DPY19L4: variants seen among roughly 807,000 people sequenced by gnomAD.
DPY19L4 encodes probable C-mannosyltransferase DPY19L4.
A neutral mutation model predicts 102.8 loss-of-function variants in DPY19L4; 97 were observed. The ratio of observed to expected loss-of-function variants is 0.94; its 90% CI spans 0.80 to 1.12. The LOEUF (loss-of-function observed/expected upper bound fraction) is 1.12. Ranked by LOEUF, DPY19L4 falls within the 50% of genes most tolerant of loss-of-function variation. The pLI, the probability that DPY19L4 is intolerant of heterozygous loss-of-function variation, is 0.00. For missense variants in DPY19L4, 815 were observed against 850.4 expected (o/e 0.96, Z 0.52); for synonymous variants, 252 against 283.1 (o/e 0.89, Z 1.10).
chr8:94,773,213 C>CAAAAAA (rs1319486647), intron 13 of DPY19L4, among the ~76,000 whole-genome samples: 1 of 67,556 alleles, frequency 1.5e-5, no homozygotes. Context: ...GACTCCGTAT[C>CAAAAAA]AAAAAAAAAA....
Position 94,789,935 on chromosome 8 carries a change from AG to A in DPY19L4, c.*26del. 1.9e-6 allele frequency: 3 copies of A among 1,578,700 alleles called. No individual in the cohort carries two copies. The highest frequency in any genetic ancestry group is 1.7e-6 in the Non-Finnish European group (2 of 1,169,336). ...AAAAATAACAGAGCCTTCATTTCAAAGACTACCTGAAGTAAAATGCAGTTTT... is the reference window on the plus strand; with the variant it reads ...AAAAATAACAGAGCCTTCATTTCAAAACTACCTGAAGTAAAATGCAGTTTT... On this transcript the variant is annotated 3_prime_UTR_variant, in exon 19 of 19. Transcript: ENST00000414645.
At chr8:94,742,928 C>T (rs1388552115) in intron 6 of DPY19L4, among the ~76,000 whole-genome samples, 1 of 152,124 alleles carries the variant, frequency 6.6e-6, no homozygotes, top group Admixed American at 6.5e-5. Context: ...TGGTCTCAAA[C>T]TCCTGACCTC....
At chr8:94,727,158 C>A (rs1388732037) in intron 2 of DPY19L4, among the ~76,000 whole-genome samples, 1 of 152,088 alleles carries the variant, frequency 6.6e-6, no homozygotes, top group East Asian at 1.9e-4. Flanking sequence ...CAGAACACCC[C>A]CATGTTTGGT....
chr8:94,738,555 C>A (rs1811296283), intron 4 of DPY19L4, 96 bp downstream of exon 4: 2 of 557,020 alleles, frequency 3.6e-6, no homozygotes, highest in Non-Finnish European at 5.4e-6. Context: ...TGCTCTGTCA[C>A]CCAGGCTGGA....
At chr8:94,755,518 G>A (rs1812121511) in intron 6 of DPY19L4, among the ~76,000 whole-genome samples, 1 of 152,180 alleles carries the variant, frequency 6.6e-6, no homozygotes, top group Non-Finnish European at 1.5e-5. Flanking sequence ...ACCAAGTAGT[G>A]CACAGTAGCT....
At chr8:94,754,688 T>C (rs1276663692) in intron 6 of DPY19L4, among the ~76,000 whole-genome samples, 1 of 152,214 alleles carries the variant, frequency 6.6e-6, no homozygotes, top group African/African-American at 2.4e-5. Context: ...GCTGGATAGG[T>C]AGTCCCCTTG....
At chr8:94,786,161 G>A (rs1332743825) in intron 17 of DPY19L4, among the ~76,000 whole-genome samples, 1 of 152,014 alleles carries the variant, frequency 6.6e-6, no homozygotes, top group Non-Finnish European at 1.5e-5. Flanking sequence ...TTGTTGACGA[G>A]TCTCGCTCAG....
intron 15 of DPY19L4, among the ~76,000 whole-genome samples, chr8:94,780,690 T>C (rs563570275): frequency 1.0e-3 from 153 of 152,280 alleles, no homozygotes; most frequent in African/African-American, 3.5e-3. Context: ...TAGGAATTAA[T>C]ATTAAAACAC....
intron 6 of DPY19L4, among the ~76,000 whole-genome samples, chr8:94,752,870 T>G (rs1443950888): frequency 2.6e-5 from 4 of 151,848 alleles, no homozygotes; most frequent in Admixed American, 2.6e-4. Flanking sequence ...TTTCACCATG[T>G]TAGCCAGGAT....
intron 2 of DPY19L4, among the ~76,000 whole-genome samples, chr8:94,729,597 C>CAAAA (rs770975687): frequency 0.13 from 4,051 of 31,018 alleles, 900 homozygotes; most frequent in African/African-American, 0.22. Context: ...GATTCCATCT[C>CAAAA]AAAAAAAAAA....
intron 2 of DPY19L4, among the ~76,000 whole-genome samples, chr8:94,733,414 C>T (rs1346425369): frequency 1.3e-5 from 2 of 152,070 alleles, no homozygotes; most frequent in East Asian, 1.9e-4. Context: ...TGTGAGCCAC[C>T]GTGCCAGGCC....
In DPY19L4 at chr8:94,761,767, A is replaced by T. The variant is rs778526215; in HGVS notation, c.803A>T (p.Tyr268Phe). Reference protein sequence around the residue: ...TFMMMWEYSHYLLFLQAISLF... With the variant: ...TFMMMWEYSHFLLFLQAISLF... ...ATGATGATGTGGGAGTATAGCCACTATCTCCTGTTTCTTCAAGCAATATCT... is the reference window on the plus strand; with the variant it reads ...ATGATGATGTGGGAGTATAGCCACTTTCTCCTGTTTCTTCAAGCAATATCT... The change falls in exon 8 of 19, where the codon TAT (tyrosine) becomes TTT (phenylalanine). Residue 268 changes from tyrosine to phenylalanine, a missense_variant. Coordinates refer to ENST00000414645, the MANE Select transcript of DPY19L4 (RefSeq NM_181787.3). 5.0e-5 allele frequency: 81 copies of T among 1,612,112 alleles called. No individual in the cohort carries two copies. The highest frequency in any genetic ancestry group is 6.6e-5 in the Non-Finnish European group (78 of 1,179,268).
At chr8:94,755,121 C>T (rs1333260540) in intron 6 of DPY19L4, among the ~76,000 whole-genome samples, 1 of 152,074 alleles carries the variant, frequency 6.6e-6, no homozygotes, top group African/African-American at 2.4e-5. Context: ...TGGGAATTTT[C>T]AAAAGTCTCT....
chr8:94,730,283 A>G (rs189932040), intron 2 of DPY19L4, among the ~76,000 whole-genome samples: 26 of 152,302 alleles, frequency 1.7e-4, no homozygotes, highest in African/African-American at 6.3e-4. Flanking sequence ...GTTTGTGACT[A>G]ACAACTTAAA....
Position 94,787,986 on chromosome 8 carries a change from C to A in DPY19L4, c.1941C>A (p.Ile647=). The part of the protein sequence containing the change: ...KANYLIVEDA[I]CNEVGPMRGC... ...ATTACCTAATTGTAGAGGATGCTATCTGCAATGAGGTGGGACCCATGAGAG... is the reference window on the plus strand; with the variant it reads ...ATTACCTAATTGTAGAGGATGCTATATGCAATGAGGTGGGACCCATGAGAG... Residue 647 remains isoleucine, a synonymous_variant, in exon 18 of 19, where the codon ATC becomes ATA. Coordinates refer to ENST00000414645, the MANE Select transcript of DPY19L4 (RefSeq NM_181787.3). The A allele has an allele frequency of 1.3e-6, 2 of 1,522,556 alleles. No individual in the cohort carries two copies. Among genetic ancestry groups the A allele is most frequent in the Non-Finnish European group, 1.8e-6 (2 of 1,135,828 alleles). 94.3% of individuals were successfully genotyped at this position (1,522,556 alleles called of 1,614,324 possible).
intron 11 of DPY19L4, 33 bp from the exon 12 acceptor site, chr8:94,768,362 T>C (rs187597249): frequency 6.5e-7 from 1 of 1,544,154 alleles, no homozygotes; most frequent in Admixed American, 2.1e-5. Flanking sequence ...AAAACGTCTA[T>C]GAATTTAATA....
chr8:94,775,862 T>C (rs936654374), intron 13 of DPY19L4, among the ~76,000 whole-genome samples: 3 of 151,856 alleles, frequency 2.0e-5, no homozygotes, highest in African/African-American at 7.2e-5. Context: ...TTTTCTAAAC[T>C]TTTCCTCTTC....
Position 94,738,392 on chromosome 8 carries a change from T to G in DPY19L4, c.276T>G (p.Phe92Leu). The change falls in exon 4 of 19, where the codon TTT (phenylalanine) becomes TTG (leucine). Residue 92 changes from phenylalanine (F) to leucine (L), a missense_variant. By Grantham distance (22) the Phe-to-Leu change is conservative. Transcript: ENST00000414645. ...NRQELEREITFQGDSAIYYSY... is the reference protein window; with the variant it reads ...NRQELEREITLQGDSAIYYSY... ...AGGAGCTTGAACGGGAAATCACGTTTCAGGGTGACAGTGCCATTTATTACT... is the reference window on the plus strand; with the variant it reads ...AGGAGCTTGAACGGGAAATCACGTTGCAGGGTGACAGTGCCATTTATTACT... 1 of 1,544,684 alleles carries G rather than the reference T, an allele frequency of 6.5e-7. No individual in the cohort carries two copies. The highest frequency in any genetic ancestry group is 8.7e-7 in the Non-Finnish European group (1 of 1,147,652).
chr8:94,781,894 A>C (rs1391294659), intron 16 of DPY19L4, among the ~76,000 whole-genome samples: 1 of 152,238 alleles, frequency 6.6e-6, no homozygotes, highest in Non-Finnish European at 1.5e-5. Flanking sequence ...AAATTAAGAA[A>C]TTAACATTAA....
Sources: gnomAD v4.1 joint callset for allele counts (sites outside exome capture counted in the v4.1 genomes callset) on GRCh38, gnomAD v4.1.1 for gene constraint, MANE v1.5 for transcripts, NCBI Gene and HGNC (gene_info 2026-07-23, HGNC 2026-07-21) for gene names.